EXTL3: variants seen among roughly 807,000 people sequenced by gnomAD.
EXTL3 encodes the protein exostosin-like 3.
In EXTL3, 27 loss-of-function variants were observed where a neutral mutation model predicts 69.3. That is an observed-to-expected ratio of 0.39 (90% CI 0.29 to 0.54). EXTL3 has a LOEUF of 0.54. Among genes scored for constraint, EXTL3 ranks in the 20% least tolerant of loss-of-function variants. The pLI is 0.69. For synonymous variants in EXTL3, 511 were observed against 499.4 expected (o/e 1.02, Z -0.31); for missense variants, 1,003 against 1,231.8 (o/e 0.81, Z 2.78).
intron 1 of EXTL3, among the ~76,000 whole-genome samples, chr8:28,663,092 C>A (rs1432228394): frequency 6.6e-6 from 1 of 152,196 alleles, no homozygotes; most frequent in African/African-American, 2.4e-5. Context: ...TATCCACATG[C>A]AATTCAATGA....
chr8:28,667,791 AC>A (rs1436817124), intron 1 of EXTL3, among the ~76,000 whole-genome samples: 1 of 152,068 alleles, frequency 6.6e-6, no homozygotes, highest in Non-Finnish European at 1.5e-5. Context: ...CAGCACACCA[AC>A]ATGGCACATG....
chr8:28,653,437 AACC>A (rs1806958656), intron 1 of EXTL3, among the ~76,000 whole-genome samples: 1 of 152,180 alleles, frequency 6.6e-6, no homozygotes, highest in South Asian at 2.1e-4. Context: ...ATACTTAAGA[AACC>A]ACTGCCTAAT....
chr8:28,643,820 C>G (rs1467451735), intron 1 of EXTL3, among the ~76,000 whole-genome samples: 2 of 152,142 alleles, frequency 1.3e-5, no homozygotes, highest in East Asian at 3.8e-4. Context: ...AGCTGGAGTA[C>G]AGTGTCACAA....
At chr8:28,746,607 A>AT in intron 6 of EXTL3, among the ~76,000 whole-genome samples, 1 of 152,240 alleles carries the variant, frequency 6.6e-6, no homozygotes, top group Non-Finnish European at 1.5e-5. Flanking sequence ...TTCTTTTTAA[A>AT]TTTTTTGCAT....
At chr8:28,675,895 G>T (rs762233848) in intron 1 of EXTL3, among the ~76,000 whole-genome samples, 1 of 151,766 alleles carries the variant, frequency 6.6e-6, no homozygotes, top group Non-Finnish European at 1.5e-5. Context: ...GGTGGTGCAC[G>T]CCTGTAATCC....
intron 2 of EXTL3, among the ~76,000 whole-genome samples, chr8:28,613,122 G>C (rs1427379145): frequency 1.3e-5 from 2 of 152,068 alleles, no homozygotes; most frequent in Admixed American, 1.3e-4. Context: ...TTCTTTTCTT[G>C]TAACGCCTTT....
intron 1 of EXTL3, among the ~76,000 whole-genome samples, chr8:28,625,522 T>A (rs1424585765): frequency 6.6e-6 from 1 of 152,220 alleles, no homozygotes; most frequent in Admixed American, 6.5e-5. Context: ...ATAGAAGTAG[T>A]TATTCTGAAG....
chr8:28,683,413 A>AT (rs1807524262), intron 1 of EXTL3, among the ~76,000 whole-genome samples: 1 of 152,046 alleles, frequency 6.6e-6, no homozygotes. Flanking sequence ...TGTGTCTGTA[A>AT]TTTCTTTCAT....
intron 1 of EXTL3, among the ~76,000 whole-genome samples, chr8:28,683,915 C>T (rs975511306): frequency 6.6e-6 from 1 of 152,208 alleles, no homozygotes; most frequent in East Asian, 1.9e-4. Flanking sequence ...AACCATCCCC[C>T]CTTTCCCCCA....
intron 6 of EXTL3, among the ~76,000 whole-genome samples, chr8:28,749,531 C>A (rs922069736): frequency 1.1e-4 from 17 of 152,186 alleles, no homozygotes; most frequent in African/African-American, 3.9e-4. Flanking sequence ...GCCCCCAGCC[C>A]GCTTTGCAGG....
At position 28,719,947 on chromosome 8, in the gene EXTL3, A is replaced by T. The variant is rs138326044; in HGVS notation, c.2148+1740A>T. Reference sequence around the variant, plus strand: ...AGTAGTCCTGACTATTGGGCAGCCCATCGCAATAATACCTAATTGGAAAAT... The same window carrying T: ...AGTAGTCCTGACTATTGGGCAGCCCTTCGCAATAATACCTAATTGGAAAAT... On this transcript the variant is annotated intron_variant, in intron 3 of 6. Transcript: ENST00000220562. Among the ~76,000 whole-genome samples, 272 of 152,376 alleles carry T rather than the reference A, an allele frequency of 1.8e-3. 6 individuals are homozygous for T. The East Asian group carries it at 0.041, about 23-fold the overall frequency.
At chr8:28,724,505 C>T (rs899833900) in intron 3 of EXTL3, among the ~76,000 whole-genome samples, 12 of 151,676 alleles carry the variant, frequency 7.9e-5, no homozygotes, top group Middle Eastern at 3.4e-3. Context: ...TGGTGGCTCA[C>T]GCCTGTAATC....
chr8:28,698,724 T>C (rs1800723791), upstream of EXTL3, among the ~76,000 whole-genome samples: 2 of 152,114 alleles, frequency 1.3e-5, no homozygotes, highest in Non-Finnish European at 2.9e-5. Context: ...CCGGGCGTGG[T>C]GGCTCATGCC....
chr8:28,713,116 T>G (rs1801065179), intron 1 of EXTL3, among the ~76,000 whole-genome samples: 1 of 152,206 alleles, frequency 6.6e-6, no homozygotes, highest in African/African-American at 2.4e-5. Flanking sequence ...CATCTGTAAA[T>G]ATCTCAGTAT....
At position 28,624,426 on chromosome 8, in the gene EXTL3, G is replaced by A. The variant is rs2130548019; in HGVS notation, c.-53+1616G>A. On this transcript the variant is annotated intron_variant, in intron 1 of 6. Coordinates refer to the EXTL3 transcript ENST00000523149. ...AAAAAATGAAAAAATTAGCCGGCAT[G>A]GTAGTGAGCACCTGTGGTCTCAGCT... Among the ~76,000 whole-genome samples, 2 of 152,198 alleles carry A rather than the reference G, an allele frequency of 1.3e-5. 1 individual carries two copies. The highest frequency in any genetic ancestry group is 4.2e-4 in the South Asian group (2 of 4,814).
In EXTL3 at chr8:28,718,187, G is replaced by T; in HGVS notation, c.2128G>T (p.Asp710Tyr). The change falls in exon 3 of 7, where the codon GAC becomes TAC. Residue 710 changes from aspartate (D) to tyrosine (Y), a missense_variant. Physicochemically the swap from Asp to Tyr is radical, Grantham distance 160 (BLOSUM62 -3). Transcript: ENST00000220562. The part of the protein sequence containing the change: ...KLPSEDLLWP[D>Y]IGVPIMVVRT... ...GCCATCAGAGGACCTTCTGTGGCCT[G>T]ACATTGGCGTCCCCATCATGGTAAT... The T allele has an allele frequency of 6.2e-7, 1 of 1,614,166 alleles. No individual in the cohort carries two copies. The highest frequency in any genetic ancestry group is 8.5e-7 in the Non-Finnish European group (1 of 1,180,018).
chr8:28,658,363 C>G (rs550098882), intron 1 of EXTL3, among the ~76,000 whole-genome samples: 2 of 152,250 alleles, frequency 1.3e-5, no homozygotes, highest in South Asian at 4.1e-4. Context: ...CCTGTTTTCA[C>G]CCTCCCTAAT....
chr8:28,687,167 A>G (rs1807590928), intron 1 of EXTL3, among the ~76,000 whole-genome samples: 1 of 152,198 alleles, frequency 6.6e-6, no homozygotes, highest in African/African-American at 2.4e-5. Context: ...TGGAAACTTG[A>G]GAAAATGATT....
intron 1 of EXTL3, among the ~76,000 whole-genome samples, chr8:28,669,423 C>T (rs1807251065): frequency 6.6e-6 from 1 of 152,220 alleles, no homozygotes; most frequent in African/African-American, 2.4e-5. Context: ...TCAAATGCTT[C>T]TCTTCAAGTT....
Sources: allele counts gnomAD v4.1 joint callset (sites outside exome capture counted in the v4.1 genomes callset), GRCh38; gene constraint gnomAD v4.1.1; transcripts MANE v1.5; gene names NCBI Gene and HGNC (gene_info 2026-07-23, HGNC 2026-07-21).